The following PODN variants were observed in gnomAD, a reference collection of about 807,000 sequenced individuals.
PODN encodes the protein podocan, also known as podocan proteoglycan.
A neutral mutation model predicts 52.7 loss-of-function variants in PODN; 40 were observed. That is an observed-to-expected ratio of 0.76 (90% confidence interval 0.59 to 0.99). The LOEUF (loss-of-function observed/expected upper bound fraction) is 0.99, where lower values mean the gene tolerates loss of function less well. PODN is among the 50% of genes least tolerant of loss of function. The pLI is 0.00. For synonymous variants in PODN, 396 were observed against 377.9 expected, an observed-to-expected ratio of 1.05 and a Z score of -0.56; for missense variants, 720 against 815.1, an observed-to-expected ratio of 0.88 and a Z score of 1.42.
chr1:53,077,163 G>A (rs1644205955), intron 5 of PODN, 27 bp from the exon 6 acceptor site: 1 of 1,610,098 alleles, frequency 6.2e-7, no homozygotes, highest in Non-Finnish European at 8.5e-7. Flanking sequence ...AGCCCAGGTG[G>A]GTGAGGACCT....
chr1:53,069,760 T>C (rs2150294683), intron 1 of PODN, 41 bp from the exon 2 acceptor site: 2 of 1,530,772 alleles, frequency 1.3e-6, no homozygotes, highest in Non-Finnish European at 8.8e-7. Flanking sequence ...GGCCCCGTCA[T>C]GACTTTCGAG....
At chr1:53,063,616 C>G (rs899471602) in intron 1 of PODN, 7 of 978,680 alleles carry the variant, frequency 7.2e-6, no homozygotes, top group African/African-American at 7.0e-5. Context: ...GGGGACTGCT[C>G]TGGGGGTTCT....
At chr1:53,076,396 C>T (rs1409508998) in intron 5 of PODN, among the ~76,000 whole-genome samples, 1 of 152,168 alleles carries the variant, frequency 6.6e-6, no homozygotes, top group Admixed American at 6.5e-5. Context: ...TCCATCCCTG[C>T]GTCTGCCATC....
At chr1:53,063,391 C>T (rs1356810239) in intron 1 of PODN, 4 of 985,708 alleles carry the variant, frequency 4.1e-6, no homozygotes, top group Non-Finnish European at 4.8e-6. Flanking sequence ...CTGTGGTCTG[C>T]CCTGCTCCAC....
At chr1:53,062,360 G>C in intron 1 of PODN, 52 bp downstream of exon 1, 1 of 1,200,212 alleles carries the variant, frequency 8.3e-7, no homozygotes, top group Non-Finnish European at 1.1e-6. Context: ...GCTGAGCCCG[G>C]GCAGCGCACT....
At chr1:53,072,183 T>C (rs1644129861) in intron 3 of PODN, among the ~76,000 whole-genome samples, 2 of 151,936 alleles carry the variant, frequency 1.3e-5, no homozygotes, top group African/African-American at 4.8e-5. Flanking sequence ...TCACTTACCT[T>C]TGCATGAGTT....
intron 1 of PODN, chr1:53,063,432 C>T (rs956923220): frequency 3.0e-6 from 3 of 985,434 alleles, no homozygotes; most frequent in South Asian, 9.4e-5. Flanking sequence ...CGGGAGAGCC[C>T]CTGGGTGGTC....
chr1:53,082,740 T>G (rs945038631), intron 10 of PODN, among the ~76,000 whole-genome samples: 1 of 152,154 alleles, frequency 6.6e-6, no homozygotes. Flanking sequence ...CGTCTCAACA[T>G]GTACACACAT....
At chr1:53,081,521 T>TGA (rs1644294971) in intron 9 of PODN, among the ~76,000 whole-genome samples, 1 of 152,180 alleles carries the variant, frequency 6.6e-6, no homozygotes, top group Non-Finnish European at 1.5e-5. Flanking sequence ...GTGAGGGGCC[T>TGA]GAGATCAGAG....
intron 4 of PODN, among the ~76,000 whole-genome samples, chr1:53,075,404 T>A (rs1369802828): frequency 1.3e-5 from 2 of 152,214 alleles, no homozygotes; most frequent in Non-Finnish European, 2.9e-5. Flanking sequence ...CTCTGGGCCC[T>A]GAGCTTCCTC....
rs1644031773 is a variant in PODN, at chr1:53,066,216, C to CAA, written c.-55-3583_-55-3582dup. On this transcript the variant is annotated intron_variant, in intron 1 of 10. Transcript: ENST00000312553. The stretch of plus-strand genomic sequence containing the variant: ...TTCGCCATCTTGCCCAGGCTGGTCT[C>CAA]AAACTCCTGGGCTCAAGTGATCTAC... 3.3e-5 allele frequency among the ~76,000 whole-genome samples: 5 copies of CAA among 152,134 alleles called. No homozygotes were observed. The South Asian group carries it at 1.0e-3, about 32-fold the overall frequency.
rs747039975 is a variant in PODN, at chr1:53,069,893, T to C, written c.38T>C (p.Leu13Pro). Reference sequence around the variant, plus strand: ...CGGGTGCTGCTGCTCCTGCTGCTGCTGCCGCCACAGCTGCACCTGGGACCT... The same window carrying C: ...CGGGTGCTGCTGCTCCTGCTGCTGCCGCCGCCACAGCTGCACCTGGGACCT... The part of the protein sequence containing the change: ...QSRVLLLLLL[L>P]PPQLHLGPVL... Residue 13 changes from leucine to proline, a missense_variant, in exon 2 of 11, where the codon CTG becomes CCG. Coordinates refer to ENST00000312553, the MANE Select transcript of PODN (RefSeq NM_153703.5). 20 of 1,567,332 alleles carry C rather than the reference T, an allele frequency of 1.3e-5. No homozygotes were observed. The highest frequency in any genetic ancestry group is 1.6e-5 in the Non-Finnish European group (19 of 1,156,810).
chr1:53,066,765 G>T, intron 1 of PODN: 1 of 1,490,850 alleles, frequency 6.7e-7, no homozygotes, highest in Non-Finnish European at 9.1e-7. Context: ...AACATTTTCA[G>T]TACGGTGCAG....
intron 1 of PODN, among the ~76,000 whole-genome samples, chr1:53,065,565 CA>C (rs1320479106): frequency 6.6e-6 from 1 of 152,208 alleles, no homozygotes; most frequent in African/African-American, 2.4e-5. Flanking sequence ...CTCTCTCTGC[CA>C]GGGGCAGGCC....
At chr1:53,075,627 G>A (rs1449697177) in intron 4 of PODN, among the ~76,000 whole-genome samples, 4 of 152,230 alleles carry the variant, frequency 2.6e-5, no homozygotes, top group African/African-American at 7.2e-5. Context: ...CCAGGAGGAC[G>A]GGCAGGGCAG....
At chr1:53,070,271 C>T in intron 2 of PODN, 104 bp downstream of exon 2, 1 of 1,535,260 alleles carries the variant, frequency 6.5e-7, no homozygotes, top group African/African-American at 1.4e-5. Flanking sequence ...CCAGAACCTC[C>T]AATATGTGCG....
chr1:53,063,453 T>G (rs1643989117), intron 1 of PODN: 2 of 985,430 alleles, frequency 2.0e-6, no homozygotes, highest in Non-Finnish European at 1.2e-6. Flanking sequence ...CCGTCCCCTA[T>G]CCCTCCTTTA....
rs1373058020 is a variant in PODN, at chr1:53,071,748, G to A, written c.406+120G>A. The A allele has an allele frequency of 6.1e-6, 6 of 981,148 alleles. No individual in the cohort carries two copies. In the South Asian group the frequency reaches 9.9e-5, roughly 16 times the overall value. 60.8% of individuals were successfully genotyped at this position (981,148 alleles called of 1,614,324 possible). ...CGGATCTTGGGGTGTGGATGGAAGA[G>A]AGCAGGCCCGGGCCAGGCTAGCAGT... On this transcript the variant is annotated intron_variant, in intron 3 of 10. Transcript: ENST00000312553.
At chr1:53,080,925 G>A (rs1248695892) in intron 9 of PODN, 49 bp downstream of exon 9, 1 of 1,601,530 alleles carries the variant, frequency 6.2e-7, no homozygotes, top group Non-Finnish European at 8.5e-7. Flanking sequence ...GGCCCACCCT[G>A]GCTCCAACGG....
Sources: allele counts gnomAD v4.1 joint callset (sites outside exome capture counted in the v4.1 genomes callset), GRCh38; gene constraint gnomAD v4.1.1; transcripts MANE v1.5; gene names NCBI Gene and HGNC (gene_info 2026-07-23, HGNC 2026-07-21).